The following TXNDC5 variants were observed in gnomAD, a reference collection of about 807,000 sequenced individuals.
The protein encoded by TXNDC5 is thioredoxin domain containing 5, also known as thioredoxin domain-containing protein 5.
In TXNDC5, 44 loss-of-function variants were observed where a neutral mutation model predicts 52.6. That is an observed-to-expected ratio of 0.84 (90% CI 0.66 to 1.08). The LOEUF is 1.08. TXNDC5 is among the 50% of genes least tolerant of loss of function. The pLI is 0.00. For missense variants in TXNDC5, 600 were observed against 565.5 expected, an observed-to-expected ratio of 1.06 and a Z score of -0.62; for synonymous variants, 241 against 234.4, an observed-to-expected ratio of 1.03 and a Z score of -0.26.
At chr6:7,895,714 G>A (rs2113345891) in intron 3 of TXNDC5, among the ~76,000 whole-genome samples, 1 of 152,242 alleles carries the variant, frequency 6.6e-6, no homozygotes, top group Middle Eastern at 3.4e-3. Flanking sequence ...GAGCCCAGCA[G>A]TTCAAGACCA....
chr6:7,899,315 ATGG>A (rs1457050949), intron 3 of TXNDC5, among the ~76,000 whole-genome samples: 1 of 152,160 alleles, frequency 6.6e-6, no homozygotes, highest in East Asian at 1.9e-4. Context: ...AAACACCAAA[ATGG>A]TGGTAACTGC....
At chr6:7,887,792 T>C (rs1048503613) in intron 7 of TXNDC5, among the ~76,000 whole-genome samples, 1 of 152,136 alleles carries the variant, frequency 6.6e-6, no homozygotes, top group Non-Finnish European at 1.5e-5. Flanking sequence ...CACCCTGACC[T>C]GTCTCCCACT....
intron 1 of TXNDC5, 51 bp from the exon 2 acceptor site, chr6:7,904,774 C>G: frequency 6.2e-7 from 1 of 1,611,028 alleles, no homozygotes; most frequent in South Asian, 1.1e-5. Flanking sequence ...CACAGGGCAG[C>G]TGGCCCACAA....
At position 7,883,153 on chromosome 6, in the gene TXNDC5, G is replaced by A. The variant is rs9502656; in HGVS notation, c.1290C>T (p.Asp430=). The change falls in exon 10 of 10, where the codon GAC becomes GAT. Residue 430 remains aspartate (D), a synonymous_variant. Transcript: ENST00000379757. ...ACCTCCAACTGTGTTCCTAAAGTTCGTCTTTCGCTTGGCTCAGGACAAAGC... is the reference window on the plus strand; with the variant it reads ...ACCTCCAACTGTGTTCCTAAAGTTCATCTTTCGCTTGGCTCAGGACAAAGC... ...LHRFVLSQAK[D]EL is the part of the protein sequence containing the mutation. 0.028 allele frequency: 45,051 copies of A among 1,614,084 alleles called. 2,118 individuals are homozygous for A. Among genetic ancestry groups the A allele is most frequent in the African/African-American group, 0.22 (16,244 of 74,980 alleles).
intron 3 of TXNDC5, among the ~76,000 whole-genome samples, chr6:7,896,174 G>C (rs1358768869): frequency 6.6e-6 from 1 of 152,184 alleles, no homozygotes; most frequent in African/African-American, 2.4e-5. Context: ...AAATGCAGGT[G>C]AATGAAAGGC....
Position 7,899,559 on chromosome 6 carries a change from A to AGGGAGGGAC in TXNDC5, c.519+16_519+17insGTCCCTCCC. 2 of 1,471,992 alleles carry AGGGAGGGAC rather than the reference A, an allele frequency of 1.4e-6. No individual in the cohort carries two copies. The highest frequency in any genetic ancestry group is 1.8e-5 in the African/African-American group (1 of 55,840). The allele number at this position is 1,471,992 out of a possible 1,614,324, so 91.2% of individuals were successfully genotyped here. ...AGGGAGGGAGGGAGGGAGGGAGGGA[A>AGGGAGGGAC]GGAGGTAGACACTCACCACTGGCTC... is the stretch of plus-strand genomic sequence containing the variant. On this transcript the variant is annotated intron_variant, in intron 3 of 9. Coordinates refer to ENST00000379757, the MANE Select transcript of TXNDC5 (RefSeq NM_030810.5).
At chr6:7,889,269 G>A in intron 6 of TXNDC5, 3 of 525,364 alleles carry the variant, frequency 5.7e-6, no homozygotes, top group South Asian at 5.6e-5. Context: ...TAAGATGTGG[G>A]TTATTCTAGT....
At position 7,888,708 on chromosome 6, in the gene TXNDC5, GTCAGCCTCGGGC is replaced by G. The variant is rs747881861; in HGVS notation, c.948_959del (p.Glu316_Ala319del). ...CCCGACTCCAGCAGGCACCCACCTT[GTCAGCCTCGGGC>G]TCAGCTGCCAGCACCGGGGCCTCTG... On this transcript the variant is annotated inframe_deletion, in exon 7 of 10. Coordinates refer to ENST00000379757, the MANE Select transcript of TXNDC5 (RefSeq NM_030810.5). 1 of 1,609,650 alleles carries G rather than the reference GTCAGCCTCGGGC, an allele frequency of 6.2e-7. No individual in the cohort carries two copies. The highest frequency in any genetic ancestry group is 8.5e-7 in the Non-Finnish European group (1 of 1,178,632).
intron 5 of TXNDC5, among the ~76,000 whole-genome samples, chr6:7,890,480 C>T (rs1469550248): frequency 6.6e-6 from 1 of 152,180 alleles, no homozygotes; most frequent in Non-Finnish European, 1.5e-5. Flanking sequence ...GGGCTTGTGT[C>T]TGCTCACGCC....
At chr6:7,901,987 G>A (rs1760581558) in intron 2 of TXNDC5, among the ~76,000 whole-genome samples, 1 of 152,174 alleles carries the variant, frequency 6.6e-6, no homozygotes, top group African/African-American at 2.4e-5. Flanking sequence ...CCCCAATCTA[G>A]CATGACTGGT....
At chr6:7,910,368 C>G in intron 1 of TXNDC5, 146 bp downstream of exon 1, 1 of 1,026,938 alleles carries the variant, frequency 9.7e-7, no homozygotes, top group Non-Finnish European at 1.2e-6. Context: ...CCCTGAGCCC[C>G]GAGCCCCGCG....
chr6:7,884,294 GCA>G (rs1442675521), intron 9 of TXNDC5, 63 bp downstream of exon 9: 7 of 1,597,422 alleles, frequency 4.4e-6, no homozygotes, highest in South Asian at 1.1e-5. Flanking sequence ...CGTGGTTGAG[GCA>G]CAGTTCCCTT....
intron 2 of TXNDC5, among the ~76,000 whole-genome samples, chr6:7,904,289 C>T (rs1760666990): frequency 6.6e-6 from 1 of 152,142 alleles, no homozygotes. Context: ...AGTCCATGCA[C>T]ACTGTGTAAA....
intron 1 of TXNDC5, among the ~76,000 whole-genome samples, chr6:7,908,254 GC>G (rs1760799631): frequency 7.8e-6 from 1 of 128,070 alleles, no homozygotes; most frequent in Admixed American, 1.0e-4. Context: ...CTGCACTCCA[GC>G]CTGGCAACAG....
intron 5 of TXNDC5, among the ~76,000 whole-genome samples, chr6:7,890,487 C>T (rs1315816574): frequency 2.0e-5 from 3 of 152,114 alleles, no homozygotes; most frequent in African/African-American, 4.8e-5. Flanking sequence ...TGTCTGCTCA[C>T]GCCTAGGTCT....
At chr6:7,904,784 A>G in intron 1 of TXNDC5, 61 bp from the exon 2 acceptor site, 1 of 1,605,046 alleles carries the variant, frequency 6.2e-7, no homozygotes, top group Admixed American at 1.7e-5. Context: ...CTGGCCCACA[A>G]CTTCAGCTCT....
chr6:7,891,807 T>C, intron 4 of TXNDC5, 71 bp from the exon 5 acceptor site: 1 of 1,090,342 alleles, frequency 9.2e-7, no homozygotes, highest in South Asian at 1.4e-5. Context: ...CACTAGAGAG[T>C]TAATTGAAGA....
chr6:7,885,967 G>A lies in TXNDC5; in HGVS notation c.1040C>T (p.Ala347Val). ...AEGITFIKFY[A>V]PWCGHCKTLA... ...TAATTAAACAGCCACTTACCATGGA[G>A]CATAAAACTTGATGAAGGTTATTCC... The change falls in exon 8 of 10, where the codon GCT (alanine) becomes GTT (valine). Residue 347 changes from alanine (A) to valine (V), a missense_variant. Ala to Val is a moderately conservative substitution (Grantham distance 64, BLOSUM62 0). Transcript: ENST00000379757. 6.2e-7 allele frequency: 1 copy of A among 1,614,044 alleles called. No homozygotes were observed. Among genetic ancestry groups the A allele is most frequent in the Non-Finnish European group, 8.5e-7 (1 of 1,179,956 alleles).
chr6:7,898,948 G>A (rs1304996235), intron 3 of TXNDC5, among the ~76,000 whole-genome samples: 1 of 152,172 alleles, frequency 6.6e-6, no homozygotes, highest in African/African-American at 2.4e-5. Flanking sequence ...TATAAGCAAA[G>A]CCCATTAGAG....
Sources: gnomAD v4.1 joint callset for allele counts (sites outside exome capture counted in the v4.1 genomes callset) on GRCh38, gnomAD v4.1.1 for gene constraint, MANE v1.5 for transcripts, NCBI Gene and HGNC (gene_info 2026-07-23, HGNC 2026-07-21) for gene names.